The following DUSP22 variants were observed in gnomAD, a reference collection of about 807,000 sequenced individuals.
DUSP22 encodes dual specificity protein phosphatase 22.
In DUSP22, 24 loss-of-function variants were observed where a neutral mutation model predicts 24.5. The observed-to-expected ratio is 0.98, with a 90% CI of 0.71 to 1.38. The LOEUF (loss-of-function observed/expected upper bound fraction) is 1.38, where lower values mean the gene tolerates loss of function less well. Ranked by LOEUF, DUSP22 falls within the 40% of genes most tolerant of loss-of-function variation. The probability of loss-of-function intolerance (pLI) is 0.00; values close to 1 mark genes in which losing one functional copy is unlikely to be tolerated. For synonymous variants in DUSP22, 160 were observed against 106.4 expected (o/e 1.50, Z -3.10); for missense variants, 330 against 269.2 (o/e 1.23, Z -1.58).
At chr6:347,569 C>CTG (rs1403152599) in intron 5 of DUSP22, among the ~76,000 whole-genome samples, 1 of 152,298 alleles carries the variant, frequency 6.6e-6, no homozygotes, top group Non-Finnish European at 1.5e-5. Flanking sequence ...TGTGCCTGCT[C>CTG]TGTACTCTGC....
In DUSP22 at chr6:350,758, G is replaced by T; in HGVS notation, c.*1807G>T. The T allele has an allele frequency of 6.2e-7, 1 of 1,613,958 alleles. No individual in the cohort carries two copies. The highest frequency in any genetic ancestry group is 8.5e-7 in the Non-Finnish European group (1 of 1,179,896). ...TGTGCACCTTTACAAACCTCTCAGT[G>T]TATTCTTGGAGTTCTTGAAATGTTG... is the stretch of plus-strand genomic sequence containing the variant. On this transcript the variant is annotated 3_prime_UTR_variant, in exon 7 of 7. Transcript: ENST00000419235.
chr6:315,899 A>G (rs544554814), intron 3 of DUSP22, among the ~76,000 whole-genome samples: 110 of 152,386 alleles, frequency 7.2e-4, no homozygotes, highest in Middle Eastern at 3.4e-3. Flanking sequence ...TAGCTGCTTT[A>G]TAAATATTGG....
chr6:304,139 G>A (rs57900105), intron 1 of DUSP22, among the ~76,000 whole-genome samples: 13,962 of 147,954 alleles, frequency 0.094, 34 homozygotes, highest in East Asian at 0.29. Context: ...TCATGCCCTC[G>A]CAGCAGCATC....
At chr6:326,524 C>T (rs1042024503) in intron 3 of DUSP22, among the ~76,000 whole-genome samples, 10 of 109,848 alleles carry the variant, frequency 9.1e-5, no homozygotes, top group South Asian at 8.8e-4. Context: ...TGGGCTTCCG[C>T]GTCCTGGTGT....
intron 3 of DUSP22, among the ~76,000 whole-genome samples, chr6:329,182 C>T (rs1759023867): frequency 6.6e-6 from 1 of 152,310 alleles, no homozygotes; most frequent in Admixed American, 6.5e-5. Context: ...TTGCCATCTC[C>T]TGGGTCTACG....
chr6:324,866 G>T (rs764058136), intron 3 of DUSP22, among the ~76,000 whole-genome samples: 20 of 152,304 alleles, frequency 1.3e-4, no homozygotes, highest in Non-Finnish European at 2.6e-4. Flanking sequence ...CATCACCAGC[G>T]AGGGGCTCCG....
chr6:295,372 GC>G (rs1478504984), intron 1 of DUSP22, among the ~76,000 whole-genome samples: 1 of 152,284 alleles, frequency 6.6e-6, no homozygotes, highest in African/African-American at 2.4e-5. Context: ...TCCGTTCCGG[GC>G]TCCTGTACGG....
At chr6:309,530 C>T (rs534617572) in intron 2 of DUSP22, among the ~76,000 whole-genome samples, 20 of 152,408 alleles carry the variant, frequency 1.3e-4, no homozygotes, top group South Asian at 6.2e-4. Flanking sequence ...TTTTTCCTGA[C>T]GTTGCTGAAT....
At chr6:301,289 C>A (rs1187670017) in intron 1 of DUSP22, among the ~76,000 whole-genome samples, 3 of 152,422 alleles carry the variant, frequency 2.0e-5, no homozygotes, top group African/African-American at 7.2e-5. Context: ...GGAACCTCTT[C>A]TCTGTTTAGA....
At chr6:300,673 G>A (rs1757539543) in intron 1 of DUSP22, among the ~76,000 whole-genome samples, 1 of 152,302 alleles carries the variant, frequency 6.6e-6, no homozygotes, top group African/African-American at 2.4e-5. Flanking sequence ...AGCAGGGCGG[G>A]TAGGTCTCGG....
chr6:337,968 G>C (rs1265144630), intron 4 of DUSP22: 1 of 152,746 alleles, frequency 6.5e-6, no homozygotes, highest in African/African-American at 2.4e-5. Flanking sequence ...TGGCAGTGCC[G>C]TGTCTGGGGC....
intron 2 of DUSP22, among the ~76,000 whole-genome samples, chr6:306,429 A>G (rs1484233913): frequency 1.3e-5 from 2 of 152,304 alleles, no homozygotes; most frequent in Non-Finnish European, 2.9e-5. Context: ...CTAAATATTC[A>G]ATAACATAGG....
At chr6:348,582 T>C (rs1760001976) in intron 6 of DUSP22, 187 bp from the exon 7 acceptor site, 3 of 1,061,048 alleles carry the variant, frequency 2.8e-6, no homozygotes, top group Middle Eastern at 5.8e-4. Flanking sequence ...GGCCAGCACC[T>C]TGAAGGAGCA....
chr6:300,424 T>C (rs573299753), intron 1 of DUSP22, among the ~76,000 whole-genome samples: 1 of 152,420 alleles, frequency 6.6e-6, no homozygotes, highest in South Asian at 2.1e-4. Flanking sequence ...GCACTTGAGA[T>C]GGTTTGAGGA....
Position 349,217 on chromosome 6 carries a change from G to T in DUSP22, c.*266G>T. ...CTGCTCTGTGCACGTGCGTGTGTGT[G>T]AGTGCACTTGTGTGTGGGTGACTAA... On this transcript the variant is annotated 3_prime_UTR_variant, in exon 7 of 7. Coordinates refer to ENST00000419235, the MANE Select transcript of DUSP22 (RefSeq NM_001286555.3). The T allele has an allele frequency of 2.2e-6, 3 of 1,390,656 alleles. No individual in the cohort carries two copies. The highest frequency in any genetic ancestry group is 2.8e-6 in the Non-Finnish European group (3 of 1,072,500). 86.1% of individuals were successfully genotyped at this position (1,390,656 alleles called of 1,614,324 possible). A position where few individuals can be genotyped will look rare whatever the true frequency, so the allele number is the denominator to read the frequency against.
chr6:332,370 C>T (rs1458750431), intron 3 of DUSP22, among the ~76,000 whole-genome samples: 4 of 152,308 alleles, frequency 2.6e-5, no homozygotes, highest in Non-Finnish European at 4.4e-5. Flanking sequence ...CCAGCATGGC[C>T]AAGAGCTGCC....
chr6:341,327 C>A (rs568973703), intron 4 of DUSP22, among the ~76,000 whole-genome samples: 1 of 152,304 alleles, frequency 6.6e-6, no homozygotes, highest in Admixed American at 6.5e-5. Flanking sequence ...AAACAGCTTG[C>A]GGTAGGATAG....
In DUSP22 at chr6:304,387, G is replaced by A. The variant is rs913212979; in HGVS notation, c.22-241G>A. 1.1e-4 allele frequency among the ~76,000 whole-genome samples: 17 copies of A among 152,424 alleles called. No individual in the cohort carries two copies. In the East Asian group the frequency reaches 3.3e-3, roughly 29 times the overall value. On this transcript the variant is annotated intron_variant, in intron 1 of 6. Coordinates refer to ENST00000419235, the MANE Select transcript of DUSP22 (RefSeq NM_001286555.3). ...TCAGAATGCCCACCAGCACTGCAGG[G>A]CTGCAAATGAGGATGACGGGGTCGA...
intron 3 of DUSP22, among the ~76,000 whole-genome samples, chr6:312,912 A>G (rs1758173473): frequency 6.6e-6 from 1 of 152,296 alleles, no homozygotes; most frequent in Non-Finnish European, 1.5e-5. Flanking sequence ...AACAAACCTC[A>G]ATTAATTTCT....
Sources: allele counts gnomAD v4.1 joint callset (sites outside exome capture counted in the v4.1 genomes callset), GRCh38; gene constraint gnomAD v4.1.1; transcripts MANE v1.5; gene names NCBI Gene and HGNC (gene_info 2026-07-23, HGNC 2026-07-21).